MFAP1: variants seen among roughly 807,000 people sequenced by gnomAD.
The protein encoded by MFAP1 is microfibril associated protein 1.
Under a neutral mutation model 62.2 loss-of-function variants are expected in MFAP1, and 18 were observed. The ratio of observed to expected loss-of-function variants is 0.29; its 90% CI spans 0.20 to 0.43. The LOEUF (loss-of-function observed/expected upper bound fraction) is 0.43. MFAP1 is among the 20% of genes least tolerant of loss of function. The pLI is 1.00. For synonymous variants in MFAP1, 175 were observed against 180.4 expected (o/e 0.97, Z 0.24); for missense variants, 355 against 559.7 (o/e 0.63, Z 3.69).
At chr15:43,818,112 C>T (rs138339896) in intron 1 of MFAP1, among the ~76,000 whole-genome samples, 1,618 of 151,866 alleles carry the variant, frequency 0.011, 20 homozygotes, top group Non-Finnish European at 0.018. Context: ...CTCCGCCTCC[C>T]GGGTTCAAGT....
Position 43,819,976 on chromosome 15 carries a change from T to C in MFAP1, c.80-2528A>G, listed in dbSNP as rs559690057. On this transcript the variant is annotated intron_variant, in intron 1 of 8. Transcript: ENST00000267812. ...TCCTGGCTAACACAGTGAAACCCCA[T>C]CTCCACTAAAAAGACAAAAAAATTA... Among the ~76,000 whole-genome samples the C allele has an allele frequency of 9.5e-4, 145 of 152,180 alleles. 1 individual carries two copies. The highest frequency in any genetic ancestry group is 1.3e-4 in the Non-Finnish European group (9 of 68,010).
At position 43,809,821 on chromosome 15, in the gene MFAP1, G is replaced by A. The variant is rs1262868682; in HGVS notation, c.981C>T (p.Thr327=). The A allele has an allele frequency of 6.2e-7, 1 of 1,614,138 alleles. No homozygotes were observed. The highest frequency in any genetic ancestry group is 1.7e-5 in the Admixed American group (1 of 60,002). ...TGTATTTGCCCTTAACAGCTTTGTT[G>A]GTAATGACTTTGCCGTTTGCCCGAA... The part of the protein sequence containing the change: ...AELRANGKVI[T]NKAVKGKYKF... The change falls in exon 7 of 9, where the codon ACC becomes ACT. Residue 327 remains threonine, a synonymous_variant. Transcript: ENST00000267812.
Position 43,805,141 on chromosome 15 carries a change from G to A in MFAP1, c.1273C>T (p.Arg425Ter). Residue 425 changes from arginine (R) to a stop codon, truncating the protein, a stop_gained, in exon 9 of 9, where the codon CGA (arginine) becomes TGA (stop). Transcript: ENST00000267812. LOFTEE classifies it high-confidence loss of function. ...GCAGATGGCCGCTCAAATACATCTCGTACCCCAGCTGCCTTTTGTTTGAAG... is the reference window on the plus strand; with the variant it reads ...GCAGATGGCCGCTCAAATACATCTCATACCCCAGCTGCCTTTTGTTTGAAG... ...KFFKQKAAGV[R>*]DVFERPSAKK... 1 of 1,599,756 alleles carries A rather than the reference G, an allele frequency of 6.3e-7. No individual in the cohort carries two copies. The highest frequency in any genetic ancestry group is 8.6e-7 in the Non-Finnish European group (1 of 1,168,096).
In MFAP1 at chr15:43,813,105, G is replaced by T; in HGVS notation, c.769C>A (p.Arg257=). The part of the protein sequence containing the change: ...ETKKELEENK[R]SLAALDALNT... ...AGTGCATCCAATGCAGCCAGGGATC[G>T]CTTGTTCTCTTCCAGCTCTTTTTTG... The change falls in exon 6 of 9, where the codon CGA becomes AGA. Residue 257 remains arginine, a synonymous_variant. Coordinates refer to ENST00000267812, the MANE Select transcript of MFAP1 (RefSeq NM_005926.3). 1 of 1,614,088 alleles carries T rather than the reference G, an allele frequency of 6.2e-7. No homozygotes were observed. The highest frequency in any genetic ancestry group is 8.5e-7 in the Non-Finnish European group (1 of 1,180,022).
At chr15:43,824,419 G>C in intron 1 of MFAP1, 72 bp downstream of exon 1, 4 of 1,523,842 alleles carry the variant, frequency 2.6e-6, no homozygotes, top group Non-Finnish European at 2.7e-6. Context: ...TGGTCTGTCC[G>C]GGAGAGGTCT....
chr15:43,822,891 T>C (rs1358846979), intron 1 of MFAP1, among the ~76,000 whole-genome samples: 2 of 151,986 alleles, frequency 1.3e-5, no homozygotes, highest in Non-Finnish European at 2.9e-5. Flanking sequence ...CAGGCTGGAG[T>C]GCAATGGTGC....
chr15:43,824,406 G>C (rs894889996), intron 1 of MFAP1, 85 bp downstream of exon 1: 1 of 1,339,002 alleles, frequency 7.5e-7, no homozygotes, highest in African/African-American at 1.5e-5. Flanking sequence ...GGCGGGGTTG[G>C]AGTGGTCTGT....
chr15:43,824,534 G>T lies in MFAP1; in HGVS notation c.36C>A (p.Pro12=). The T allele has an allele frequency of 6.2e-7, 1 of 1,614,168 alleles. No individual in the cohort carries two copies. The highest frequency in any genetic ancestry group is 8.5e-7 in the Non-Finnish European group (1 of 1,180,030). The change falls in exon 1 of 9, where the codon CCC becomes CCA. Residue 12 remains proline (P), a synonymous_variant. Coordinates refer to ENST00000267812, the MANE Select transcript of MFAP1 (RefSeq NM_005926.3). ...SVPSALMKQP[P]IQSTAGAVPV... ...GGACGGCCCCAGCCGTAGACTGAATGGGCGGTTGCTTCATGAGAGCGCTTG... is the reference window on the plus strand; with the variant it reads ...GGACGGCCCCAGCCGTAGACTGAATTGGCGGTTGCTTCATGAGAGCGCTTG...
In MFAP1 at chr15:43,804,963, A is replaced by T; in HGVS notation, c.*131T>A. ...AGCACCTTCAAAGTCTGGGCTACCC[A>T]GTATCACAAGTATAGCAGTAAGTCC... On this transcript the variant is annotated 3_prime_UTR_variant, in exon 9 of 9. Coordinates refer to ENST00000267812, the MANE Select transcript of MFAP1 (RefSeq NM_005926.3). 2.0e-6 allele frequency: 2 copies of T among 998,194 alleles called. No homozygotes were observed. Among genetic ancestry groups the T allele is most frequent in the South Asian group, 1.9e-5 (1 of 53,622 alleles). 61.8% of individuals were successfully genotyped at this position (998,194 alleles called of 1,614,324 possible). A position where few individuals can be genotyped will look rare whatever the true frequency, so the allele number is the denominator to read the frequency against.
rs765946348 is a variant in MFAP1 at position 43,813,100 on chromosome 15, G to C, written c.774C>G (p.Ser258=). The C allele has an allele frequency of 6.2e-7, 1 of 1,614,098 alleles. No individual in the cohort carries two copies. Among genetic ancestry groups the C allele is most frequent in the Admixed American group, 1.7e-5 (1 of 60,000 alleles). The change falls in exon 6 of 9, where the codon TCC becomes TCG. Residue 258 remains serine (S), a synonymous_variant. Transcript: ENST00000267812. The part of the protein sequence containing the change: ...TKKELEENKR[S]LAALDALNTD... ...TATTGAGTGCATCCAATGCAGCCAGGGATCGCTTGTTCTCTTCCAGCTCTT... is the reference window on the plus strand; with the variant it reads ...TATTGAGTGCATCCAATGCAGCCAGCGATCGCTTGTTCTCTTCCAGCTCTT...
rs754179458 is a variant in MFAP1, at chr15:43,813,324, G to A, written c.651C>T (p.Ala217=). 8.7e-6 allele frequency: 14 copies of A among 1,610,184 alleles called. No homozygotes were observed. The highest frequency in any genetic ancestry group is 2.2e-5 in the East Asian group (1 of 44,864). The change falls in exon 5 of 9, where the codon GCC becomes GCT. Residue 217 remains alanine, a synonymous_variant. Transcript: ENST00000267812. ...KDRVTVQERE[A]EALKQKELEQ... is the part of the protein sequence containing the mutation. The stretch of plus-strand genomic sequence containing the variant: ...CCAGCTCCTTCTGTTTCAATGCTTC[G>A]GCTTCACGTTCTTGAACTGTCACTC...
chr15:43,808,319 C>T (rs549919682), intron 7 of MFAP1, among the ~76,000 whole-genome samples: 1 of 152,192 alleles, frequency 6.6e-6, no homozygotes, highest in South Asian at 2.1e-4. Flanking sequence ...AATCCTTCCA[C>T]CTCAGCCCCT....
Position 43,820,249 on chromosome 15 carries a change from G to A in MFAP1, c.80-2801C>T, listed in dbSNP as rs558493301. On this transcript the variant is annotated intron_variant, in intron 1 of 8. Transcript: ENST00000267812. ...AGGAGAATGGTGTGAACCCAGGGGC[G>A]GAGCTTGCAGTGAGCCGAGATCGCG... is the stretch of plus-strand genomic sequence containing the variant. Among the ~76,000 whole-genome samples, 384 of 152,076 alleles carry A rather than the reference G, an allele frequency of 2.5e-3. 2 individuals are homozygous for A. Among genetic ancestry groups the A allele is most frequent in the Middle Eastern group, 6.8e-3 (2 of 294 alleles).
chr15:43,809,332 A>G (rs1371767004), intron 7 of MFAP1, among the ~76,000 whole-genome samples: 2 of 150,480 alleles, frequency 1.3e-5, no homozygotes, highest in South Asian at 4.2e-4. Context: ...TAAAAAAAAA[A>G]TAACCAAAAA....
chr15:43,805,615 T>TA, intron 7 of MFAP1, 150 bp from the exon 8 acceptor site: 1 of 629,156 alleles, frequency 1.6e-6, no homozygotes, highest in South Asian at 2.4e-5. Context: ...GAGATGACAT[T>TA]CTTTTTTTTT....
intron 1 of MFAP1, among the ~76,000 whole-genome samples, chr15:43,818,505 AAAAAAAAAAAAAGAAAC>A (rs2087448571): frequency 4.6e-5 from 1 of 21,666 alleles, no homozygotes; most frequent in African/African-American, 7.4e-5. Flanking sequence ...AAAAACTACC[AAAAAAAAAAAAAGAAAC>A]AAAAAAAAAA....
intron 1 of MFAP1, among the ~76,000 whole-genome samples, chr15:43,818,066 C>T (rs1033887583): frequency 6.8e-6 from 1 of 147,098 alleles, no homozygotes; most frequent in Non-Finnish European, 1.5e-5. Context: ...GTCGCCCAGG[C>T]TGGAGTGCAG....
intron 4 of MFAP1, among the ~76,000 whole-genome samples, chr15:43,814,247 T>A (rs779272744): frequency 6.6e-5 from 10 of 152,098 alleles, no homozygotes; most frequent in Admixed American, 1.3e-4. Context: ...CGAAACTCTG[T>A]CTCAAACAAA....
Position 43,805,138 on chromosome 15 carries a change from C to A in MFAP1, c.1276G>T (p.Asp426Tyr). The A allele has an allele frequency of 6.3e-7, 1 of 1,599,846 alleles. No homozygotes were observed. Among genetic ancestry groups the A allele is most frequent in the Non-Finnish European group, 8.6e-7 (1 of 1,168,082 alleles). The change falls in exon 9 of 9, where the codon GAT becomes TAT. Residue 426 changes from aspartate (D) to tyrosine (Y), a missense_variant. Physicochemically the swap from Asp to Tyr is radical, Grantham distance 160 (BLOSUM62 -3). This residue lies in a region of MFAP1 where 44 missense variants were observed against 80.8 expected (regional missense o/e 0.54). Coordinates refer to ENST00000267812, the MANE Select transcript of MFAP1 (RefSeq NM_005926.3). ...TTGGCAGATGGCCGCTCAAATACAT[C>A]TCGTACCCCAGCTGCCTTTTGTTTG... ...FFKQKAAGVR[D>Y]VFERPSAKKR...
Sources: gnomAD v4.1 joint callset for allele counts (sites outside exome capture counted in the v4.1 genomes callset) on GRCh38, gnomAD v4.1.1 for gene constraint, gnomAD v4.1.1 regional missense constraint, MANE v1.5 for transcripts, NCBI Gene and HGNC (gene_info 2026-07-23, HGNC 2026-07-21) for gene names.